Variants in DMXL1 observed in about 807,000 individuals in gnomAD.
DMXL1 encodes the protein Dmx like 1.
A neutral mutation model predicts 319.2 loss-of-function variants in DMXL1; 99 were observed. The ratio of observed to expected loss-of-function variants is 0.31; its 90% CI spans 0.26 to 0.37. The LOEUF is 0.37. Ranked by LOEUF, DMXL1 falls within the 10% of genes least tolerant of loss-of-function variation. DMXL1 has a pLI of 1.00. For synonymous variants in DMXL1, 1,385 were observed against 1,235.2 expected (o/e 1.12, Z -2.54); for missense variants, 3,745 against 3,595.6 (o/e 1.04, Z -1.06).
chr5:119,241,474 G>C lies in DMXL1; in HGVS notation c.8704+1003G>C, dbSNP rs149224481. 4.2e-3 allele frequency among the ~76,000 whole-genome samples: 634 copies of C among 150,106 alleles called. 6 individuals are homozygous for C. The highest frequency in any genetic ancestry group is 0.015 in the African/African-American group (622 of 40,480). ...GGTGTGAACCCGGGAGGCGGAGCTT[G>C]CAGTGAGCTGAGATGGAGCCACTGC... On this transcript the variant is annotated intron_variant, in intron 42 of 43. Coordinates refer to ENST00000539542, the MANE Select transcript of DMXL1 (RefSeq NM_001290321.3).
chr5:119,073,117 C>T (rs1358778775), intron 1 of DMXL1, among the ~76,000 whole-genome samples: 1 of 152,184 alleles, frequency 6.6e-6, no homozygotes, highest in African/African-American at 2.4e-5. Context: ...GGCTGGAGTG[C>T]AGTGGCGGGA....
chr5:119,205,957 T>TG (rs1781665118), intron 33 of DMXL1, among the ~76,000 whole-genome samples: 1 of 152,090 alleles, frequency 6.6e-6, no homozygotes, highest in South Asian at 2.1e-4. Context: ...TGGCAGGTGA[T>TG]GGGAGAGTAT....
intron 16 of DMXL1, 86 bp downstream of exon 16, chr5:119,147,042 C>T (rs1386201830): frequency 1.2e-5 from 17 of 1,465,680 alleles, no homozygotes; most frequent in Non-Finnish European, 1.2e-5. Context: ...GGACATATTT[C>T]TTAAAGCCAT....
At chr5:119,232,302 C>T (rs1357648761) in intron 38 of DMXL1, among the ~76,000 whole-genome samples, 6 of 152,198 alleles carry the variant, frequency 3.9e-5, no homozygotes, top group Non-Finnish European at 8.8e-5. Context: ...CCTCCTACCG[C>T]TGCCCAATGG....
Position 119,161,122 on chromosome 5 carries a change from C to G in DMXL1, c.4703-3385C>G, listed in dbSNP as rs150796879. Among the ~76,000 whole-genome samples, 121 of 152,264 alleles carry G rather than the reference C, an allele frequency of 7.9e-4. 2 individuals are homozygous for G. In the East Asian group the frequency reaches 0.021, roughly 26 times the overall value. ...GATAGAGCTTCACTATTAAACCTAG[C>G]CTCTGATTATGCGTGGTTCAGCCTG... On this transcript the variant is annotated intron_variant, in intron 19 of 43. Transcript: ENST00000539542.
chr5:119,100,017 A>C (rs1756882259), intron 2 of DMXL1, among the ~76,000 whole-genome samples: 1 of 152,072 alleles, frequency 6.6e-6, no homozygotes. Flanking sequence ...GAAAAACAAA[A>C]AGAGGAATTA....
intron 18 of DMXL1, 136 bp downstream of exon 18, chr5:119,150,557 G>A: frequency 1.1e-6 from 1 of 945,196 alleles, no homozygotes; most frequent in Non-Finnish European, 1.5e-6. Flanking sequence ...GGGAGGCTGA[G>A]GCAGGAGGAT....
rs149120451 is a variant in DMXL1 at position 119,197,842 on chromosome 5, A to G, written c.7631A>G (p.His2544Arg). ...GTTCTTCTCCGACGACTTGAAATCC[A>G]TGGTGGGCCACCTCAAAATTATATC... ...EQVLLRRLEIHGGPPQNYIAS... is the reference protein window; with the variant it reads ...EQVLLRRLEIRGGPPQNYIAS... Residue 2544 changes from histidine to arginine, a missense_variant, in exon 32 of 44, where the codon CAT becomes CGT. His to Arg is a conservative substitution (Grantham distance 29, BLOSUM62 0). Around this residue, in one of 4 missense-constraint regions of DMXL1, gnomAD observed 1,382 missense variants for 1,269.5 expected, o/e 1.09. Transcript: ENST00000539542. The G allele has an allele frequency of 2.5e-5, 40 of 1,614,056 alleles. No homozygotes were observed. In the South Asian group the frequency reaches 3.2e-4, roughly 13 times the overall value.
chr5:119,120,947 T>C, intron 8 of DMXL1, 24 bp from the exon 9 acceptor site: 1 of 1,589,134 alleles, frequency 6.3e-7, no homozygotes, highest in Non-Finnish European at 8.6e-7. Flanking sequence ...AATATAGGTA[T>C]TAGTTTTGTT....
At chr5:119,125,829 A>G (rs1470011397) in intron 9 of DMXL1, among the ~76,000 whole-genome samples, 3 of 152,154 alleles carry the variant, frequency 2.0e-5, no homozygotes, top group Non-Finnish European at 2.9e-5. Context: ...CTCCCAAAGC[A>G]TTGGGAATAC....
intron 34 of DMXL1, among the ~76,000 whole-genome samples, 152 bp downstream of exon 34, chr5:119,207,048 A>G (rs1781867676): frequency 6.6e-6 from 1 of 152,200 alleles, no homozygotes; most frequent in Admixed American, 6.5e-5. Flanking sequence ...CAACTTAAAT[A>G]CTGCAGTTGT....
intron 34 of DMXL1, among the ~76,000 whole-genome samples, chr5:119,207,517 C>T (rs570881948): frequency 7.9e-4 from 120 of 152,048 alleles, no homozygotes; most frequent in African/African-American, 2.7e-3. Flanking sequence ...TCAACTATGA[C>T]TATATTTTAT....
rs1781836383 is a variant in DMXL1, at chr5:119,206,860, C to G, written c.7890C>G (p.Ile2630Met). Residue 2630 changes from isoleucine (I) to methionine (M), a missense_variant, in exon 34 of 44, where the codon ATC (isoleucine) becomes ATG (methionine). Physicochemically the swap from Ile to Met is conservative, Grantham distance 10. Around this residue, in one of 4 missense-constraint regions of DMXL1, gnomAD observed 1,382 missense variants for 1,269.5 expected, o/e 1.09. Coordinates refer to ENST00000539542, the MANE Select transcript of DMXL1 (RefSeq NM_001290321.3). ...CATTAGAGGACAACAGTGAAACCAT[C>G]AAAAATTCTATGATGGAGGAGCCAA... ...NESLEDNSET[I>M]KNSMMEEPNI... The G allele has an allele frequency of 6.5e-7, 1 of 1,528,642 alleles. No homozygotes were observed. The highest frequency in any genetic ancestry group is 8.8e-7 in the Non-Finnish European group (1 of 1,142,250). The allele number at this position is 1,528,642 out of a possible 1,614,324, so 94.7% of individuals were successfully genotyped here.
intron 9 of DMXL1, among the ~76,000 whole-genome samples, chr5:119,125,285 A>G (rs1429296225): frequency 2.6e-5 from 4 of 152,218 alleles, no homozygotes; most frequent in Admixed American, 2.6e-4. Flanking sequence ...GACTGCATAA[A>G]TAGAAAAAGA....
intron 3 of DMXL1, among the ~76,000 whole-genome samples, chr5:119,102,463 G>A (rs758762970): frequency 2.0e-5 from 3 of 152,148 alleles, no homozygotes; most frequent in Non-Finnish European, 4.4e-5. Context: ...TAAGCAAGCT[G>A]TACTCAGAAA....
At chr5:119,162,554 T>A (rs1453385014) in intron 19 of DMXL1, among the ~76,000 whole-genome samples, 1 of 152,216 alleles carries the variant, frequency 6.6e-6, no homozygotes, top group Non-Finnish European at 1.5e-5. Flanking sequence ...ATCCCTTTTA[T>A]AAGGATGTTA....
intron 37 of DMXL1, among the ~76,000 whole-genome samples, chr5:119,222,160 A>G (rs7720231): frequency 0.36 from 54,677 of 152,000 alleles, 10,695 homozygotes; most frequent in Middle Eastern, 0.52. Flanking sequence ...TATAGTTGCT[A>G]TAACCTTATA....
chr5:119,245,475 A>G (rs955855266), intron 43 of DMXL1, among the ~76,000 whole-genome samples: 1 of 151,874 alleles, frequency 6.6e-6, no homozygotes, highest in African/African-American at 2.4e-5. Context: ...ATTTTCCTTC[A>G]GTTTGAAACT....
At chr5:119,223,057 GTTT>G (rs35683993) in intron 37 of DMXL1, among the ~76,000 whole-genome samples, 5 of 123,420 alleles carry the variant, frequency 4.1e-5, no homozygotes, top group Admixed American at 3.5e-4. Context: ...ACTTAGTTGT[GTTT>G]TTTTTTTTTT....
Sources: allele counts gnomAD v4.1 joint callset (sites outside exome capture counted in the v4.1 genomes callset), GRCh38; gene constraint gnomAD v4.1.1; regional missense constraint gnomAD v4.1.1; transcripts MANE v1.5; gene names NCBI Gene and HGNC (gene_info 2026-07-23, HGNC 2026-07-21).